Variants in SERPINA5 observed in about 807,000 individuals in gnomAD.
SERPINA5 encodes the protein serpin family A member 5.
Under a neutral mutation model 25.3 loss-of-function variants are expected in SERPINA5, and 25 were observed. That is an observed-to-expected ratio of 0.99 (90% CI 0.72 to 1.38). The LOEUF is 1.38. Among genes scored for constraint, SERPINA5 ranks in the 40% most tolerant of loss-of-function variants. SERPINA5 has a pLI of 0.00. For synonymous variants in SERPINA5, 234 were observed against 206.2 expected (o/e 1.14, Z -1.16); for missense variants, 599 against 509.5 (o/e 1.18, Z -1.69).
rs190161365 is a variant in SERPINA5, at chr14:94,588,642, C to T, written c.619+661C>T. ...AGGAAGGTAAATTGTTAACACCTCCCCTTCCTATGGTCACAGATCATGAGT... is the reference window on the plus strand; with the variant it reads ...AGGAAGGTAAATTGTTAACACCTCCTCTTCCTATGGTCACAGATCATGAGT... On this transcript the variant is annotated intron_variant, in intron 3 of 5. Coordinates refer to ENST00000329597, the MANE Select transcript of SERPINA5 (RefSeq NM_000624.6). 1.2e-3 allele frequency among the ~76,000 whole-genome samples: 187 copies of T among 152,298 alleles called. 4 individuals carry two copies. Among genetic ancestry groups the T allele is most frequent in the Admixed American group, 7.3e-3 (112 of 15,304 alleles).
chr14:94,589,921 G>T (rs1051241868), intron 3 of SERPINA5, 120 bp from the exon 4 acceptor site: 9 of 917,158 alleles, frequency 9.8e-6, no homozygotes, highest in African/African-American at 1.7e-5. Flanking sequence ...CTGCTCTGGG[G>T]CTGCCATAAA....
In SERPINA5 at chr14:94,592,109, C is replaced by T; in HGVS notation, c.1091C>T (p.Ala364Val). 6.2e-7 allele frequency: 1 copy of T among 1,614,108 alleles called. No homozygotes were observed. The highest frequency in any genetic ancestry group is 8.5e-7 in the Non-Finnish European group (1 of 1,179,964). ...GACGAGTCGGGAACCAGAGCAGCGG[C>T]AGCCACGGGGACAATATTCACTTTC... is the stretch of plus-strand genomic sequence containing the variant. Reference protein sequence around the residue: ...EVDESGTRAAAATGTIFTFRS... With the variant: ...EVDESGTRAAVATGTIFTFRS... The change falls in exon 6 of 6, where the codon GCA becomes GTA. Residue 364 changes from alanine (A) to valine (V), a missense_variant. Transcript: ENST00000329597.
chr14:94,590,530 G>A (rs891604255), intron 4 of SERPINA5: 1 of 794,538 alleles, frequency 1.3e-6, no homozygotes, highest in Non-Finnish European at 1.9e-6. Context: ...GCCAGAGTGG[G>A]CAGAGACCTC....
chr14:94,591,193 C>T (rs1885274352), intron 5 of SERPINA5, among the ~76,000 whole-genome samples: 1 of 143,842 alleles, frequency 7.0e-6, no homozygotes, highest in Admixed American at 6.9e-5. Context: ...CTCCACTCTA[C>T]TCCTCCACTC....
rs746741020 is a variant in SERPINA5, at chr14:94,592,175, G to C, written c.1157G>C (p.Arg386Thr). Residue 386 changes from arginine to threonine, a missense_variant, in exon 6 of 6, where the codon AGG (arginine) becomes ACG (threonine). Transcript: ENST00000329597. ...AACTCTCAGAGGCTAGTGTTCAACA[G>C]GCCCTTTCTGATGTTCATTGTGGAT... Reference protein sequence around the residue: ...RLNSQRLVFNRPFLMFIVDNN... With the variant: ...RLNSQRLVFNTPFLMFIVDNN... 4 of 1,614,080 alleles carry C rather than the reference G, an allele frequency of 2.5e-6. No individual in the cohort carries two copies. The highest frequency in any genetic ancestry group is 3.4e-6 in the Non-Finnish European group (4 of 1,180,036).
In SERPINA5 at chr14:94,587,371, C is replaced by A; in HGVS notation, c.9C>A (p.Leu3=). 1.2e-6 allele frequency: 2 copies of A among 1,607,328 alleles called. No homozygotes were observed. Among genetic ancestry groups the A allele is most frequent in the Non-Finnish European group, 1.7e-6 (2 of 1,177,442 alleles). Residue 3 remains leucine (L), a synonymous_variant, in exon 3 of 6, where the codon CTC becomes CTA. Coordinates refer to ENST00000329597, the MANE Select transcript of SERPINA5 (RefSeq NM_000624.6). The stretch of plus-strand genomic sequence containing the variant: ...AACAAAGAACAGCCACCATGCAGCT[C>A]TTCCTCCTCTTGTGCCTGGTGCTTC... MQ[L]FLLLCLVLLS...
rs1453584489 is a variant in SERPINA5 at position 94,587,123 on chromosome 14, G to A, written c.-17-223G>A. The stretch of plus-strand genomic sequence containing the variant: ...GCAGCCAGACCCCTGCCTTGGGTCT[G>A]CACCTCCTCTCCCTCCTTCCTCTCC... On this transcript the variant is annotated intron_variant, in intron 2 of 5. Transcript: ENST00000329597. The A allele has an allele frequency of 6.0e-6, 3 of 502,346 alleles. No individual in the cohort carries two copies. The East Asian group carries it at 1.0e-4, about 17-fold the overall frequency. 31.1% of individuals were successfully genotyped at this position (502,346 alleles called of 1,614,324 possible).
At chr14:94,586,093 C>A (rs779619440) in intron 2 of SERPINA5, among the ~76,000 whole-genome samples, 5 of 152,104 alleles carry the variant, frequency 3.3e-5, no homozygotes, top group Non-Finnish European at 7.3e-5. Flanking sequence ...AAGACTTCTA[C>A]CCGTAGCCAG....
intron 2 of SERPINA5, chr14:94,587,044 C>T (rs1156389745): frequency 3.2e-6 from 1 of 311,972 alleles, no homozygotes; most frequent in East Asian, 6.6e-5. Context: ...CTCCATATCC[C>T]ATCCTCCAAA....
chr14:94,590,007 A>T, intron 3 of SERPINA5, 34 bp from the exon 4 acceptor site: 8 of 1,546,936 alleles, frequency 5.2e-6, no homozygotes, highest in Non-Finnish European at 7.0e-6. Context: ...CTGACACAAA[A>T]TTCTTTTTCA....
chr14:94,587,445 A>G lies in SERPINA5; in HGVS notation c.83A>G (p.Lys28Arg). Residue 28 changes from lysine (K) to arginine (R), a missense_variant, in exon 3 of 6, where the codon AAG becomes AGG. Coordinates refer to ENST00000329597, the MANE Select transcript of SERPINA5 (RefSeq NM_000624.6). ...CACCGCCACCACCCCCGGGAGATGA[A>G]GAAGAGAGTCGAGGACCTCCATGTA... ...SLHRHHPREM[K>R]KRVEDLHVGA... 1 of 1,614,192 alleles carries G rather than the reference A, an allele frequency of 6.2e-7. No homozygotes were observed. The highest frequency in any genetic ancestry group is 8.5e-7 in the Non-Finnish European group (1 of 1,180,024).
rs745941714 is a variant in SERPINA5, at chr14:94,592,148, T to C, written c.1130T>C (p.Leu377Pro). 2 of 1,614,060 alleles carry C rather than the reference T, an allele frequency of 1.2e-6. No individual in the cohort carries two copies. Among genetic ancestry groups the C allele is most frequent in the African/African-American group, 1.3e-5 (1 of 74,932 alleles). ...ATATTCACTTTCAGGTCGGCCCGCC[T>C]GAACTCTCAGAGGCTAGTGTTCAAC... ...GTIFTFRSAR[L>P]NSQRLVFNRP... is the part of the protein sequence containing the mutation. The change falls in exon 6 of 6, where the codon CTG (leucine) becomes CCG (proline). Residue 377 changes from leucine to proline, a missense_variant. By Grantham distance (98) the Leu-to-Pro change is moderately conservative. Transcript: ENST00000329597.
At chr14:94,590,594 G>C (rs1049540832) in intron 4 of SERPINA5, 155 bp from the exon 5 acceptor site, 2 of 913,828 alleles carry the variant, frequency 2.2e-6, no homozygotes, top group Non-Finnish European at 3.2e-6. Flanking sequence ...TAGAAAAGAG[G>C]CCAGAGGAGC....
Position 94,585,753 on chromosome 14 carries a change from T to C in SERPINA5, c.-17-1593T>C, listed in dbSNP as rs564835035. On this transcript the variant is annotated intron_variant, in intron 2 of 5. Transcript: ENST00000329597. ...TGGTAATTAGCCAGCCTGGGTGCTG[T>C]CAGGCTCACACGTGTGTGTGTGTGT... 1.6e-3 allele frequency among the ~76,000 whole-genome samples: 229 copies of C among 139,234 alleles called. 2 individuals are homozygous for C. Among genetic ancestry groups the C allele is most frequent in the African/African-American group, 5.9e-3 (216 of 36,582 alleles). 91.3% of individuals were successfully genotyped at this position (139,234 alleles called of 152,430 possible). A position where few individuals can be genotyped will look rare whatever the true frequency, so the allele number is the denominator to read the frequency against.
chr14:94,587,764 C>T lies in SERPINA5; in HGVS notation c.402C>T (p.Phe134=), dbSNP rs759609740. 3.7e-6 allele frequency: 6 copies of T among 1,614,084 alleles called. No homozygotes were observed. Among genetic ancestry groups the T allele is most frequent in the Admixed American group, 3.3e-5 (2 of 60,008 alleles). ...GFQLSLGNAL[F]TDLVVDLQDT... ...AGCTGAGCCTCGGCAATGCCCTTTT[C>T]ACCGACCTGGTGGTAGACCTGCAGG... The change falls in exon 3 of 6, where the codon TTC becomes TTT. Residue 134 remains phenylalanine, a synonymous_variant. Transcript: ENST00000329597.
At position 94,587,734 on chromosome 14, in the gene SERPINA5, C is replaced by A; in HGVS notation, c.372C>A (p.Gly124=). The A allele has an allele frequency of 6.2e-7, 1 of 1,614,214 alleles. No individual in the cohort carries two copies. The highest frequency in any genetic ancestry group is 1.3e-5 in the African/African-American group (1 of 75,072). Residue 124 remains glycine (G), a synonymous_variant, in exon 3 of 6, where the codon GGC becomes GGA. Coordinates refer to ENST00000329597, the MANE Select transcript of SERPINA5 (RefSeq NM_000624.6). ...AGGAACTCAACCAGCCCAGAGATGG[C>A]TTCCAGCTGAGCCTCGGCAATGCCC... The part of the protein sequence containing the change: ...LLQELNQPRD[G]FQLSLGNALF...
At chr14:94,586,369 A>ATTAAG (rs1188380972) in intron 2 of SERPINA5, among the ~76,000 whole-genome samples, 1 of 152,180 alleles carries the variant, frequency 6.6e-6, no homozygotes, top group Non-Finnish European at 1.5e-5. Flanking sequence ...GAAGTCTGAG[A>ATTAAG]TTAAGGCACC....
In SERPINA5 at chr14:94,592,073, T is replaced by C. The variant is rs1566839549; in HGVS notation, c.1055T>C (p.Val352Ala). Residue 352 changes from valine to alanine, a missense_variant, in exon 6 of 6, where the codon GTG (valine) becomes GCG (alanine). Transcript: ENST00000329597. ...CCCCTGCAGATGGTGCACAAAGCTG[T>C]GGTGGAGGTGGACGAGTCGGGAACC... ...IQVSEMVHKA[V>A]VEVDESGTRA... 2 of 1,613,166 alleles carry C rather than the reference T, an allele frequency of 1.2e-6. No homozygotes were observed. Among genetic ancestry groups the C allele is most frequent in the Non-Finnish European group, 1.7e-6 (2 of 1,179,484 alleles).
chr14:94,586,362 G>A (rs1035200562), intron 2 of SERPINA5, among the ~76,000 whole-genome samples: 1 of 152,204 alleles, frequency 6.6e-6, no homozygotes, highest in Admixed American at 6.5e-5. Flanking sequence ...GAAGCTGGAA[G>A]TCTGAGATTA....
Sources: allele counts gnomAD v4.1 joint callset (sites outside exome capture counted in the v4.1 genomes callset), GRCh38; gene constraint gnomAD v4.1.1; transcripts MANE v1.5; gene names NCBI Gene and HGNC (gene_info 2026-07-23, HGNC 2026-07-21).